Variants in TBC1D19 observed in about 807,000 individuals in gnomAD.
TBC1D19 encodes the protein TBC1 domain family, member 19.
TBC1D19 carries 60 observed loss-of-function variants against 89.0 expected under a neutral mutation model. The ratio of observed to expected loss-of-function variants is 0.67; its 90% CI spans 0.55 to 0.84. The LOEUF is 0.84. Among genes scored for constraint, TBC1D19 ranks in the 40% least tolerant of loss-of-function variants. The pLI, the probability that TBC1D19 is intolerant of heterozygous loss-of-function variation, is 0.00. For missense variants in TBC1D19, 500 were observed against 610.8 expected (o/e 0.82, Z 1.91); for synonymous variants, 189 against 199.7 (o/e 0.95, Z 0.45).
At chr4:26,780,703 C>T in the TBC1D19 span, among the ~76,000 whole-genome samples, 245 of 152,330 alleles carry the variant, frequency 1.6e-3, no homozygotes, top group African/African-American at 5.6e-3. Flanking sequence ...TCTTCACTTG[C>T]CCCAGCCTTG....
intron 7 of TBC1D19, among the ~76,000 whole-genome samples, chr4:26,655,416 T>C (rs1190254749): frequency 6.6e-6 from 1 of 152,250 alleles, no homozygotes; most frequent in African/African-American, 2.4e-5. Context: ...CAGGGACATT[T>C]AAGTCTGCAG....
In TBC1D19 at chr4:26,590,015, C is replaced by T. The variant is rs1739660594; in HGVS notation, c.99+5723C>T. On this transcript the variant is annotated intron_variant, in intron 1 of 20. Coordinates refer to ENST00000264866, the MANE Select transcript of TBC1D19 (RefSeq NM_018317.4). The stretch of plus-strand genomic sequence containing the variant: ...AAGACTATGCAAATGTGTGTGAATT[C>T]CCCTTGCATTTTGGGTTCCAAAATT... Among the ~76,000 whole-genome samples the T allele has an allele frequency of 2.6e-5, 4 of 152,302 alleles. 1 individual carries two copies. In the South Asian group the frequency reaches 8.3e-4, roughly 32 times the overall value.
chr4:26,675,255 G>C (rs7676873), intron 11 of TBC1D19, among the ~76,000 whole-genome samples: 149,855 of 152,202 alleles, frequency 0.98, 73,815 homozygotes, highest in East Asian at 1. Context: ...GAATCACTGC[G>C]ATTTCTAAAA....
At chr4:26,608,479 G>C (rs1741144399) in intron 1 of TBC1D19, among the ~76,000 whole-genome samples, 1 of 152,098 alleles carries the variant, frequency 6.6e-6, no homozygotes, top group African/African-American at 2.4e-5. Context: ...TCATGTTTGG[G>C]AACCACTGTG....
chr4:26,824,372 G>C, the TBC1D19 span, among the ~76,000 whole-genome samples: 2 of 152,276 alleles, frequency 1.3e-5, no homozygotes, highest in South Asian at 2.1e-4. Flanking sequence ...GACTAACACA[G>C]ATATGAAGTA....
At chr4:26,648,500 T>C (rs913398240) in intron 7 of TBC1D19, among the ~76,000 whole-genome samples, 1 of 152,198 alleles carries the variant, frequency 6.6e-6, no homozygotes, top group Admixed American at 6.5e-5. Context: ...AGGTCAGCTG[T>C]AAGTTAATCC....
chr4:26,681,389 A>AC (rs1454803590), intron 11 of TBC1D19, among the ~76,000 whole-genome samples: 1 of 151,238 alleles, frequency 6.6e-6, no homozygotes, highest in African/African-American at 2.4e-5. Flanking sequence ...AATACAAAAA[A>AC]CAAAAAAAAA....
chr4:26,659,546 G>A, intron 7 of TBC1D19, 51 bp from the exon 8 acceptor site: 1 of 1,248,978 alleles, frequency 8.0e-7, no homozygotes, highest in African/African-American at 1.5e-5. Flanking sequence ...TTTTATAAGT[G>A]TAAACATCCT....
intron 4 of TBC1D19, among the ~76,000 whole-genome samples, chr4:26,623,949 C>T (rs947729370): frequency 3.9e-5 from 6 of 152,132 alleles, no homozygotes; most frequent in Non-Finnish European, 7.3e-5. Flanking sequence ...TATAAGCAGA[C>T]GAACCCTTAT....
chr4:26,764,665 A>G, the TBC1D19 span, among the ~76,000 whole-genome samples: 1 of 152,174 alleles, frequency 6.6e-6, no homozygotes, highest in Non-Finnish European at 1.5e-5. Flanking sequence ...CAGAACAAAG[A>G]AGTTGAGGTT....
At chr4:26,682,771 G>A (rs2109140203) in intron 11 of TBC1D19, among the ~76,000 whole-genome samples, 1 of 152,204 alleles carries the variant, frequency 6.6e-6, no homozygotes, top group Non-Finnish European at 1.5e-5. Flanking sequence ...TGAACCTGAT[G>A]CTTAACTTGA....
chr4:26,599,903 G>A (rs892689189), intron 1 of TBC1D19, among the ~76,000 whole-genome samples: 2 of 134,410 alleles, frequency 1.5e-5, no homozygotes, highest in African/African-American at 5.7e-5. Flanking sequence ...AGCTGAGATC[G>A]CGCCACTGCA....
intron 7 of TBC1D19, among the ~76,000 whole-genome samples, chr4:26,652,013 A>G (rs1383576829): frequency 6.6e-6 from 1 of 151,946 alleles, no homozygotes; most frequent in African/African-American, 2.4e-5. Flanking sequence ...GCTGGATTAC[A>G]TTTATTGATT....
chr4:26,815,715 C>G, the TBC1D19 span, among the ~76,000 whole-genome samples: 58 of 152,334 alleles, frequency 3.8e-4, no homozygotes, highest in African/African-American at 1.3e-3. Flanking sequence ...AGATTTTGGT[C>G]AGGCTAATTA....
intron 18 of TBC1D19, 129 bp downstream of exon 18, chr4:26,742,728 A>G (rs1718442039): frequency 1.6e-5 from 9 of 546,306 alleles, no homozygotes; most frequent in African/African-American, 7.7e-5. Flanking sequence ...TAATAAAACT[A>G]TAATTATCAA....
the TBC1D19 span, among the ~76,000 whole-genome samples, chr4:26,791,064 G>C: frequency 6.6e-6 from 1 of 152,012 alleles, no homozygotes; most frequent in Non-Finnish European, 1.5e-5. Flanking sequence ...CCTGCTCCTA[G>C]TTTTCTCTGC....
chr4:26,714,876 AGAGCATCAT>A (rs1397748643), intron 13 of TBC1D19, among the ~76,000 whole-genome samples: 1 of 152,066 alleles, frequency 6.6e-6, no homozygotes, highest in Non-Finnish European at 1.5e-5. Context: ...CAGCACTCAC[AGAGCATCAT>A]GGTAAATCCA....
At position 26,697,541 on chromosome 4, in the gene TBC1D19, C is replaced by CT. The variant is rs566973925; in HGVS notation, c.954+9135dup. ...GCCAGCATCATCCTGATACCAAAGCCTGGCAGAGACACAACAAAAAAAGAG... is the reference window on the plus strand; with the variant it reads ...GCCAGCATCATCCTGATACCAAAGCCTTGGCAGAGACACAACAAAAAAAGAG... On this transcript the variant is annotated intron_variant, in intron 13 of 20. Coordinates refer to ENST00000264866, the MANE Select transcript of TBC1D19 (RefSeq NM_018317.4). Among the ~76,000 whole-genome samples the CT allele has an allele frequency of 1.8e-4, 28 of 152,268 alleles. No individual in the cohort carries two copies. In the East Asian group the frequency reaches 5.4e-3, roughly 29 times the overall value.
At chr4:26,580,137 A>G (rs566489464), upstream of TBC1D19, among the ~76,000 whole-genome samples, 1 of 152,342 alleles carries the variant, frequency 6.6e-6, no homozygotes, top group African/African-American at 2.4e-5. Flanking sequence ...CCCCATTCAC[A>G]TAAATTGTCT....
Sources: allele counts gnomAD v4.1 joint callset (sites outside exome capture counted in the v4.1 genomes callset), GRCh38; gene constraint gnomAD v4.1.1; transcripts MANE v1.5; gene names NCBI Gene and HGNC (gene_info 2026-07-23, HGNC 2026-07-21).